Variants in RBPMS2 observed in about 807,000 individuals in gnomAD.
The protein encoded by RBPMS2 is RNA binding protein, mRNA processing factor 2.
In RBPMS2, 14 loss-of-function variants were observed where a neutral mutation model predicts 25.7. That is an observed-to-expected ratio of 0.55 (90% CI 0.36 to 0.85). RBPMS2 has a LOEUF of 0.85. Ranked by LOEUF, RBPMS2 falls within the 40% of genes least tolerant of loss-of-function variation. The probability of loss-of-function intolerance (pLI) is 0.01; values close to 1 mark genes in which losing one functional copy is unlikely to be tolerated. For missense variants in RBPMS2, 252 were observed against 283.4 expected (o/e 0.89, Z 0.80); for synonymous variants, 127 against 115.6 (o/e 1.10, Z -0.63).
At chr15:64,759,224 C>T (rs1486799451) in intron 1 of RBPMS2, among the ~76,000 whole-genome samples, 1 of 152,182 alleles carries the variant, frequency 6.6e-6, no homozygotes, top group African/African-American at 2.4e-5. Flanking sequence ...AAGTAGAGCC[C>T]CCCATCCTCA....
intron 1 of RBPMS2, among the ~76,000 whole-genome samples, chr15:64,770,705 A>G (rs1238494073): frequency 6.6e-6 from 1 of 152,096 alleles, no homozygotes; most frequent in Admixed American, 6.6e-5. Context: ...TGTTAAAGAA[A>G]AGGGAGGTGC....
intron 1 of RBPMS2, among the ~76,000 whole-genome samples, chr15:64,756,761 C>A (rs2083734372): frequency 6.6e-6 from 1 of 150,506 alleles, no homozygotes; most frequent in African/African-American, 2.4e-5. Context: ...CTGCCTCAGC[C>A]TCCCAAGTAG....
intron 1 of RBPMS2, among the ~76,000 whole-genome samples, chr15:64,774,040 G>A (rs1291335845): frequency 1.3e-5 from 2 of 152,212 alleles, no homozygotes; most frequent in Non-Finnish European, 2.9e-5. Flanking sequence ...ATCGACTGGG[G>A]CTGGCTGAAG....
chr15:64,774,727 C>T (rs922043449), intron 1 of RBPMS2, among the ~76,000 whole-genome samples: 3 of 123,000 alleles, frequency 2.4e-5, no homozygotes, highest in Non-Finnish European at 5.0e-5. Flanking sequence ...TCGCAGGAAC[C>T]GAGGAGCCGG....
chr15:64,746,071 G>C (rs1595785047), intron 6 of RBPMS2, among the ~76,000 whole-genome samples: 1 of 152,152 alleles, frequency 6.6e-6, no homozygotes, highest in South Asian at 2.1e-4. Flanking sequence ...CACTGTCAGG[G>C]GGCAAGCAGT....
chr15:64,769,422 CT>C (rs1264855360), intron 1 of RBPMS2, among the ~76,000 whole-genome samples: 3 of 96,588 alleles, frequency 3.1e-5, no homozygotes, highest in African/African-American at 1.1e-4. Context: ...GAAACTCCGT[CT>C]CAAAAAAAAA....
At chr15:64,768,906 C>T (rs959100461) in intron 1 of RBPMS2, among the ~76,000 whole-genome samples, 17 of 151,076 alleles carry the variant, frequency 1.1e-4, no homozygotes, top group Admixed American at 3.3e-4. Context: ...TGAGAACATC[C>T]TGGCTAACAC....
rs994416307 is a variant in RBPMS2, at chr15:64,775,588, G to C, written c.-269C>G. ...CGCCTTTTCACTGCGACCGGCGAGTGCGCCGCGGCGGCGGCGGCGGCGGCA... is the reference window on the plus strand; with the variant it reads ...CGCCTTTTCACTGCGACCGGCGAGTCCGCCGCGGCGGCGGCGGCGGCGGCA... On this transcript the variant is annotated 5_prime_UTR_variant, in exon 1 of 8. Transcript: ENST00000300069. 1 of 11,894 alleles carries C rather than the reference G, an allele frequency of 8.4e-5. No homozygotes were observed. Among genetic ancestry groups the C allele is most frequent in the Non-Finnish European group, 1.4e-4 (1 of 7,168 alleles). 0.7% of individuals were successfully genotyped at this position (11,894 alleles called of 1,614,324 possible).
chr15:64,747,668 T>C (rs1160739428), intron 6 of RBPMS2, among the ~76,000 whole-genome samples: 2 of 152,182 alleles, frequency 1.3e-5, no homozygotes, highest in Non-Finnish European at 2.9e-5. Context: ...TCCAGTGACC[T>C]GCACTTGTGG....
intron 6 of RBPMS2, among the ~76,000 whole-genome samples, chr15:64,747,879 G>A (rs570363230): frequency 6.6e-6 from 1 of 152,114 alleles, no homozygotes; most frequent in Non-Finnish European, 1.5e-5. Flanking sequence ...TCATGGAAGC[G>A]AGAGCCAACA....
chr15:64,748,335 C>A, intron 6 of RBPMS2, 84 bp downstream of exon 6: 3 of 1,403,580 alleles, frequency 2.1e-6, no homozygotes, highest in Non-Finnish European at 3.0e-6. Context: ...TCTGGGACAG[C>A]AGCGGCCAAG....
intron 1 of RBPMS2, chr15:64,762,456 A>G: frequency 1.9e-6 from 1 of 534,816 alleles, no homozygotes; most frequent in Non-Finnish European, 3.8e-6. Flanking sequence ...CCTGTTATAA[A>G]GACACTGAGC....
intron 1 of RBPMS2, among the ~76,000 whole-genome samples, chr15:64,771,907 T>C (rs1219939690): frequency 2.6e-5 from 4 of 152,106 alleles, no homozygotes; most frequent in African/African-American, 9.7e-5. Flanking sequence ...TGCAGTGAGC[T>C]GAGATTGTGC....
chr15:64,770,875 G>A (rs2083888143), intron 1 of RBPMS2, among the ~76,000 whole-genome samples: 1 of 151,998 alleles, frequency 6.6e-6, no homozygotes, highest in Non-Finnish European at 1.5e-5. Context: ...TGGTCCCAGG[G>A]CTCTGGCTGC....
chr15:64,752,368 C>T, intron 1 of RBPMS2, among the ~76,000 whole-genome samples: 1 of 152,108 alleles, frequency 6.6e-6, no homozygotes, highest in South Asian at 2.1e-4. Flanking sequence ...CCCATGCCCA[C>T]TATCCCCTGC....
intron 1 of RBPMS2, among the ~76,000 whole-genome samples, chr15:64,773,958 G>A (rs2083909646): frequency 6.6e-6 from 1 of 152,220 alleles, no homozygotes. Flanking sequence ...AGTCATTAGT[G>A]GACAGATGTC....
chr15:64,757,628 C>T (rs1207361141), intron 1 of RBPMS2, among the ~76,000 whole-genome samples: 2 of 152,156 alleles, frequency 1.3e-5, no homozygotes, highest in Non-Finnish European at 2.9e-5. Context: ...GCTGATGGCA[C>T]AGCCAGGATC....
rs1316351890 is a variant in RBPMS2, at chr15:64,775,352, G to A, written c.-33C>T. On this transcript the variant is annotated 5_prime_UTR_variant, in exon 1 of 8. Transcript: ENST00000300069. ...GGGAGGGGGCGGCGGGAAGGAACGC[G>A]AGGGCGAGCGCGGCGCCGGCCCCGC... 1.7e-6 allele frequency: 2 copies of A among 1,208,478 alleles called. No homozygotes were observed. The highest frequency in any genetic ancestry group is 1.0e-6 in the Non-Finnish European group (1 of 959,734). The allele number at this position is 1,208,478 out of a possible 1,614,324, so 74.9% of individuals were successfully genotyped here. A position where few individuals can be genotyped will look rare whatever the true frequency, so the allele number is the denominator to read the frequency against.
intron 1 of RBPMS2, among the ~76,000 whole-genome samples, chr15:64,770,577 T>C (rs1250480114): frequency 6.6e-6 from 1 of 152,162 alleles, no homozygotes; most frequent in African/African-American, 2.4e-5. Flanking sequence ...GACCTCCTAC[T>C]GCTATATGCC....
Sources: allele counts gnomAD v4.1 joint callset (sites outside exome capture counted in the v4.1 genomes callset), GRCh38; gene constraint gnomAD v4.1.1; transcripts MANE v1.5; gene names NCBI Gene and HGNC (gene_info 2026-07-23, HGNC 2026-07-21).